Variants in HPS1 observed in about 807,000 individuals in gnomAD.
HPS1 encodes BLOC-3 complex member HPS1.
A neutral mutation model predicts 90.6 loss-of-function variants in HPS1; 59 were observed. The observed-to-expected ratio is 0.65, with a 90% CI of 0.53 to 0.81. The LOEUF (loss-of-function observed/expected upper bound fraction) is 0.81, where lower values mean the gene tolerates loss of function less well. Among genes scored for constraint, HPS1 ranks in the 30% least tolerant of loss-of-function variants. The pLI, the probability that HPS1 is intolerant of heterozygous loss-of-function variation, is 0.00. For missense variants in HPS1, 849 were observed against 896.7 expected, an observed-to-expected ratio of 0.95 and a Z score of 0.68; for synonymous variants, 388 against 384.4, an observed-to-expected ratio of 1.01 and a Z score of -0.11.
downstream of HPS1, chr10:98,414,230 C>T (rs960231757): frequency 5.9e-5 from 9 of 152,158 alleles, no homozygotes; most frequent in Admixed American, 3.9e-4. Flanking sequence ...TGTTGAGTGC[C>T]GTCTGCTTTC....
intron 14 of HPS1, 54 bp from the exon 15 acceptor site, chr10:98,423,941 G>T: frequency 3.1e-6 from 5 of 1,602,294 alleles, no homozygotes; most frequent in Non-Finnish European, 4.3e-6. Flanking sequence ...GGAGCCCCTC[G>T]CCCTGTGTGG....
chr10:98,437,209 C>T (rs76538556), intron 3 of HPS1, among the ~76,000 whole-genome samples: 1 of 152,276 alleles, frequency 6.6e-6, no homozygotes, highest in East Asian at 1.9e-4. Flanking sequence ...ACGTTTACTG[C>T]TTTACCCCGA....
rs1233258866 is a variant in HPS1, at chr10:98,417,739, G to A, written c.1941-13C>T. The A allele has an allele frequency of 1.2e-6, 2 of 1,613,236 alleles. No individual in the cohort carries two copies. The highest frequency in any genetic ancestry group is 3.3e-5 in the Admixed American group (2 of 60,006). On this transcript the variant is annotated splice_polypyrimidine_tract_variant and intron_variant, in intron 19 of 19. Transcript: ENST00000361490. This position sits in a 1 kb window ranked among gnomAD's most constrained non-coding sequence, Gnocchi z 4.2. ...GCGCAGGAGCTTCCTGGGGAGGAAG[G>A]GGAGGATGGGATTCAGGAGTGAGGC...
intron 13 of HPS1, among the ~76,000 whole-genome samples, 195 bp downstream of exon 13, chr10:98,425,346 G>C (rs570071705): frequency 6.6e-6 from 1 of 152,362 alleles, no homozygotes; most frequent in African/African-American, 2.4e-5. Flanking sequence ...CACATAAAAA[G>C]ATTCTGAAAA....
intron 16 of HPS1, among the ~76,000 whole-genome samples, chr10:98,422,979 C>G (rs1055586524): frequency 2.0e-5 from 3 of 152,210 alleles, no homozygotes; most frequent in Non-Finnish European, 4.4e-5. Context: ...AGGGCAGCAG[C>G]TGGTGGCTAA....
intron 18 of HPS1, 113 bp from the exon 19 acceptor site, chr10:98,418,370 A>G (rs1439543045): frequency 7.2e-6 from 4 of 552,596 alleles, no homozygotes; most frequent in Non-Finnish European, 1.3e-5. Flanking sequence ...GGTGCTTGGG[A>G]AAATGCCTGG....
At chr10:98,421,979 G>GACACACACACACAC (rs200573934) in intron 17 of HPS1, among the ~76,000 whole-genome samples, 2,658 of 139,986 alleles carry the variant, frequency 0.019, 35 homozygotes, top group Non-Finnish European at 0.025. Flanking sequence ...CACACACACA[G>GACACACACACACAC]ACACACACAC....
rs1261511675 is a variant in HPS1, at chr10:98,429,903, G to A, written c.769-14C>T. ...CCGCGGGGAAGGCTGTGCAGGGCAG[G>A]GGAGAGGCTGGTTAGCTCCTATCTG... On this transcript the variant is annotated splice_polypyrimidine_tract_variant and intron_variant, in intron 8 of 19. Transcript: ENST00000361490. The A allele has an allele frequency of 1.9e-6, 3 of 1,605,470 alleles. No individual in the cohort carries two copies. The highest frequency in any genetic ancestry group is 2.7e-5 in the African/African-American group (2 of 74,878).
At chr10:98,426,213 G>A (rs760358887) in intron 11 of HPS1, 18 of 548,398 alleles carry the variant, frequency 3.3e-5, no homozygotes, top group Non-Finnish European at 4.9e-5. Flanking sequence ...CGGGTGCCAA[G>A]CAGGGCAGTG....
rs149708847 is a variant in HPS1 at position 98,416,828 on chromosome 10, G to C, written c.*736C>G. ...CGGGTGGTGGTTCTCAATCCAGGGCGCACCACAGAAGCTTTGAAAGACATC... is the reference window on the plus strand; with the variant it reads ...CGGGTGGTGGTTCTCAATCCAGGGCCCACCACAGAAGCTTTGAAAGACATC... On this transcript the variant is annotated 3_prime_UTR_variant, in exon 20 of 20. Coordinates refer to ENST00000361490, the MANE Select transcript of HPS1 (RefSeq NM_000195.5). 2.0e-5 allele frequency: 3 copies of C among 152,276 alleles called. No individual in the cohort carries two copies. The highest frequency in any genetic ancestry group is 6.5e-5 in the Admixed American group (1 of 15,284). 9.4% of individuals were successfully genotyped at this position (152,276 alleles called of 1,614,324 possible).
chr10:98,424,668 T>TG (rs890940900), intron 13 of HPS1, among the ~76,000 whole-genome samples: 9 of 150,536 alleles, frequency 6.0e-5, no homozygotes, highest in Non-Finnish European at 1.3e-4. Flanking sequence ...CCCCTCGGGG[T>TG]GGGGGGCACA....
intron 5 of HPS1, among the ~76,000 whole-genome samples, chr10:98,434,353 G>A (rs1284314578): frequency 6.6e-6 from 1 of 151,708 alleles, no homozygotes; most frequent in Admixed American, 6.6e-5. Context: ...GTCATACAAA[G>A]CCAGCTAGAG....
intron 3 of HPS1, among the ~76,000 whole-genome samples, chr10:98,439,719 G>A (rs571364445): frequency 1.3e-5 from 2 of 152,240 alleles, no homozygotes; most frequent in Admixed American, 1.3e-4. Flanking sequence ...GGAACTGTTG[G>A]GAAGGCATGA....
At position 98,417,649 on chromosome 10, in the gene HPS1, G is replaced by T; in HGVS notation, c.2018C>A (p.Ser673Tyr). 6.2e-7 allele frequency: 1 copy of T among 1,613,814 alleles called. No homozygotes were observed. Among genetic ancestry groups the T allele is most frequent in the Non-Finnish European group, 8.5e-7 (1 of 1,179,954 alleles). The change falls in exon 20 of 20, where the codon TCT becomes TAT. Residue 673 changes from serine (S) to tyrosine (Y), a missense_variant. Coordinates refer to ENST00000361490, the MANE Select transcript of HPS1 (RefSeq NM_000195.5). The surrounding 1 kb of genome is among the most constrained non-coding windows in gnomAD (Gnocchi z 4.2). ...RCYELLALHL[S>Y]VIPTDLLVQQ... Reference sequence around the variant, plus strand: ...CACCAGCAGGTCAGTGGGGATGACAGACAGGTGCAGGGCCAGCAGCTCGTA... The same window carrying T: ...CACCAGCAGGTCAGTGGGGATGACATACAGGTGCAGGGCCAGCAGCTCGTA...
downstream of HPS1, chr10:98,414,891 G>A: frequency 7.1e-7 from 1 of 1,416,910 alleles, no homozygotes; most frequent in African/African-American, 1.4e-5. Flanking sequence ...ACTTCTGGCT[G>A]GGTTATGCCA....
rs1845531486 is a variant in HPS1 at position 98,425,811 on chromosome 10, C to T, written c.1155+7G>A. On this transcript the variant is annotated splice_region_variant and intron_variant, in intron 12 of 19. Coordinates refer to ENST00000361490, the MANE Select transcript of HPS1 (RefSeq NM_000195.5). ...CATCATCAGGGCAGGGTGAGGGGCT[C>T]TCCTACCCTGGTCAGGAGCACCAGG... 1 of 1,613,088 alleles carries T rather than the reference C, an allele frequency of 6.2e-7. No homozygotes were observed. Among genetic ancestry groups the T allele is most frequent in the South Asian group, 1.1e-5 (1 of 91,014 alleles).
At chr10:98,419,191 T>C (rs1844519466) in intron 18 of HPS1, among the ~76,000 whole-genome samples, 1 of 151,938 alleles carries the variant, frequency 6.6e-6, no homozygotes. Flanking sequence ...AAGGGATGGC[T>C]GTCACCCTCA....
At chr10:98,418,119 G>A (rs1474635778) in intron 19 of HPS1, 56 bp downstream of exon 19, 1 of 1,177,054 alleles carries the variant, frequency 8.5e-7, no homozygotes, top group South Asian at 1.3e-5. Context: ...GCAGAGGCGA[G>A]CACTTATCAC....
Position 98,417,862 on chromosome 10 carries a change from C to G in HPS1, c.1941-136G>C, listed in dbSNP as rs1844304672. 2.5e-6 allele frequency: 2 copies of G among 804,136 alleles called. No individual in the cohort carries two copies. Among genetic ancestry groups the G allele is most frequent in the Non-Finnish European group, 2.1e-6 (1 of 486,868 alleles). 49.8% of individuals were successfully genotyped at this position (804,136 alleles called of 1,614,324 possible). On this transcript the variant is annotated intron_variant, in intron 19 of 19. Coordinates refer to ENST00000361490, the MANE Select transcript of HPS1 (RefSeq NM_000195.5). This position sits in a 1 kb window ranked among gnomAD's most constrained non-coding sequence, Gnocchi z 4.2. ...CTAGGCCCCTGCATGTGGGCCTTGACAACCGCTCCGGTTCCTCACTGACCT... is the reference window on the plus strand; with the variant it reads ...CTAGGCCCCTGCATGTGGGCCTTGAGAACCGCTCCGGTTCCTCACTGACCT...
Sources: gnomAD v4.1 joint callset for allele counts (sites outside exome capture counted in the v4.1 genomes callset) on GRCh38, gnomAD v4.1.1 for gene constraint, Gnocchi (gnomAD v3.1) non-coding constraint, MANE v1.5 for transcripts, NCBI Gene and HGNC (gene_info 2026-07-23, HGNC 2026-07-21) for gene names.